ZMIZ1: variants seen among roughly 807,000 people sequenced by gnomAD.
The protein encoded by ZMIZ1 is zinc finger MIZ-type containing 1.
In ZMIZ1, 17 loss-of-function variants were observed where a neutral mutation model predicts 113.9. The observed-to-expected ratio is 0.15, with a 90% CI of 0.10 to 0.22. The LOEUF is 0.22. Among genes scored for constraint, ZMIZ1 ranks in the 10% least tolerant of loss-of-function variants. ZMIZ1 has a pLI of 1.00. For missense variants in ZMIZ1, 1,059 were observed against 1,477.8 expected (o/e 0.72, Z 4.65); for synonymous variants, 607 against 603.1 (o/e 1.01, Z -0.09).
intron 1 of ZMIZ1, among the ~76,000 whole-genome samples, chr10:79,074,159 A>G (rs1842392928): frequency 6.6e-6 from 1 of 152,256 alleles, no homozygotes; most frequent in Non-Finnish European, 1.5e-5. Context: ...CCCATTTAAC[A>G]GAGCAGAAAA....
At chr10:79,093,459 T>A (rs1221819964) in intron 1 of ZMIZ1, among the ~76,000 whole-genome samples, 4 of 152,138 alleles carry the variant, frequency 2.6e-5, no homozygotes, top group African/African-American at 9.6e-5. Flanking sequence ...CCCGAGTAAC[T>A]GGGATTACAG....
intron 7 of ZMIZ1, among the ~76,000 whole-genome samples, chr10:79,271,451 A>T (rs1851947480): frequency 6.6e-6 from 1 of 152,202 alleles, no homozygotes; most frequent in Non-Finnish European, 1.5e-5. Flanking sequence ...AAGGTGTCAC[A>T]CAGTAACAGA....
rs1307610293 is a variant in ZMIZ1 at position 79,181,100 on chromosome 10, C to G, written c.-50+18967C>G. 2.6e-5 allele frequency among the ~76,000 whole-genome samples: 4 copies of G among 152,360 alleles called. No individual in the cohort carries two copies. In the East Asian group the frequency reaches 7.7e-4, roughly 29 times the overall value. ...CAGGAGGCAGAGCTGTGGGTTCCCA[C>G]TGAGACGGACCAAGAGTCAGTGTGG... is the stretch of plus-strand genomic sequence containing the variant. On this transcript the variant is annotated intron_variant, in intron 4 of 24. Coordinates refer to ENST00000334512, the MANE Select transcript of ZMIZ1 (RefSeq NM_020338.4).
At chr10:79,150,018 G>A (rs753743249) in intron 3 of ZMIZ1, among the ~76,000 whole-genome samples, 5 of 152,232 alleles carry the variant, frequency 3.3e-5, no homozygotes, top group Non-Finnish European at 5.9e-5. Context: ...GAAAGCATTG[G>A]TGCTTCTGAG....
In ZMIZ1 at chr10:79,312,740, G is replaced by A; in HGVS notation, c.3195G>A (p.Glu1065=). 1.2e-6 allele frequency: 2 copies of A among 1,614,160 alleles called. No homozygotes were observed. Among genetic ancestry groups the A allele is most frequent in the Non-Finnish European group, 1.7e-6 (2 of 1,179,988 alleles). Residue 1065 remains glutamate (E), a synonymous_variant, in exon 25 of 25, where the codon GAG becomes GAA. Coordinates refer to ENST00000334512, the MANE Select transcript of ZMIZ1 (RefSeq NM_020338.4). ...ACGATGACCTCCTGTCTCTATTTGAGAACAACTGAGGGCCACCCGGTCGGG... is the reference window on the plus strand; with the variant it reads ...ACGATGACCTCCTGTCTCTATTTGAAAACAACTGAGGGCCACCCGGTCGGG... ...NSNDDLLSLF[E]NN
At chr10:79,242,997 G>A (rs1262431737) in intron 7 of ZMIZ1, among the ~76,000 whole-genome samples, 2 of 151,524 alleles carry the variant, frequency 1.3e-5, no homozygotes, top group Admixed American at 1.3e-4. Context: ...GCTGGGGGGC[G>A]GGGTGCGGAC....
At chr10:79,162,443 ACT>A (rs1846151355) in intron 4 of ZMIZ1, among the ~76,000 whole-genome samples, 2 of 152,220 alleles carry the variant, frequency 1.3e-5, no homozygotes, top group Non-Finnish European at 2.9e-5. Flanking sequence ...TGTCTGCACC[ACT>A]CTAAACCCTG....
chr10:79,302,160 G>A lies in ZMIZ1; in HGVS notation c.2073G>A (p.Leu691=), dbSNP rs746557590. The A allele has an allele frequency of 6.2e-7, 1 of 1,613,990 alleles. No individual in the cohort carries two copies. Among genetic ancestry groups the A allele is most frequent in the African/African-American group, 1.3e-5 (1 of 75,062 alleles). The part of the protein sequence containing the change: ...LVHRPSVRSV[L]QGLLKKRLLP... ...ACCGGCCCTCCGTCCGCTCTGTGCT[G>A]CAAGGACTCCTCAAGAAGCGCCTCC... Residue 691 remains leucine, a synonymous_variant, in exon 18 of 25, where the codon CTG becomes CTA. Coordinates refer to ENST00000334512, the MANE Select transcript of ZMIZ1 (RefSeq NM_020338.4).
chr10:79,073,496 G>A (rs1484517024), intron 1 of ZMIZ1, among the ~76,000 whole-genome samples: 1 of 152,180 alleles, frequency 6.6e-6, no homozygotes, highest in Non-Finnish European at 1.5e-5. Flanking sequence ...AGTTGTGAGT[G>A]TTAACATGTT....
At chr10:79,209,722 C>T (rs912610026) in intron 6 of ZMIZ1, among the ~76,000 whole-genome samples, 15 of 152,260 alleles carry the variant, frequency 9.9e-5, no homozygotes, top group African/African-American at 3.6e-4. Flanking sequence ...CCACAGAATA[C>T]ACCATCCCAC....
intron 7 of ZMIZ1, among the ~76,000 whole-genome samples, chr10:79,271,206 C>G (rs1851931393): frequency 6.6e-6 from 1 of 152,214 alleles, no homozygotes; most frequent in African/African-American, 2.4e-5. Context: ...CCTGCCCAGG[C>G]CCTTTGTCTC....
In ZMIZ1 at chr10:79,300,789, C is replaced by T; in HGVS notation, c.1866C>T (p.Thr622=). The T allele has an allele frequency of 6.2e-7, 1 of 1,614,000 alleles. No individual in the cohort carries two copies. The highest frequency in any genetic ancestry group is 8.5e-7 in the Non-Finnish European group (1 of 1,180,018). ...ACCACGAGGACCGGCAGATGAACAC[C>T]AACTGGCCCGCCTCGGTGCAGGTCA... The part of the protein sequence containing the change: ...CYHHEDRQMN[T]NWPASVQVSV... Residue 622 remains threonine (T), a synonymous_variant, in exon 17 of 25, where the codon ACC becomes ACT. Transcript: ENST00000334512.
At chr10:79,081,349 G>A (rs1455522347) in intron 1 of ZMIZ1, among the ~76,000 whole-genome samples, 1 of 152,194 alleles carries the variant, frequency 6.6e-6, no homozygotes, top group Non-Finnish European at 1.5e-5. Context: ...TCTGGTAAGA[G>A]TCTGGGCAGC....
At chr10:79,070,188 G>A (rs974273080) in intron 1 of ZMIZ1, among the ~76,000 whole-genome samples, 1 of 151,970 alleles carries the variant, frequency 6.6e-6, no homozygotes, top group African/African-American at 2.4e-5. Flanking sequence ...TCACATTCCT[G>A]GCGTCTGGGC....
intron 2 of ZMIZ1, among the ~76,000 whole-genome samples, chr10:79,137,707 T>A (rs946714): frequency 0.21 from 32,596 of 151,942 alleles, 8,116 homozygotes; most frequent in African/African-American, 0.61. Flanking sequence ...CTGGAAGGGC[T>A]AGGGGTGAGC....
intron 1 of ZMIZ1, among the ~76,000 whole-genome samples, chr10:79,093,984 G>A (rs943128423): frequency 1.3e-5 from 2 of 152,198 alleles, no homozygotes; most frequent in Non-Finnish European, 2.9e-5. Flanking sequence ...AGAGCTGAGT[G>A]TAAAGGCCGC....
intron 4 of ZMIZ1, among the ~76,000 whole-genome samples, chr10:79,167,600 G>A (rs1206168365): frequency 1.3e-5 from 2 of 152,124 alleles, no homozygotes; most frequent in Admixed American, 1.3e-4. Context: ...GAGGAAAGGC[G>A]ATGTGAGCAA....
chr10:79,261,479 G>A (rs1851267485), intron 7 of ZMIZ1, among the ~76,000 whole-genome samples: 1 of 152,224 alleles, frequency 6.6e-6, no homozygotes, highest in Non-Finnish European at 1.5e-5. Flanking sequence ...TCCCCCAGCT[G>A]CTCTGGAAGA....
At chr10:79,265,463 C>CTTT (rs869066608) in intron 7 of ZMIZ1, among the ~76,000 whole-genome samples, 21 of 131,726 alleles carry the variant, frequency 1.6e-4, no homozygotes, top group African/African-American at 6.0e-4. Context: ...CCTTTTTTTT[C>CTTT]TTTTCTTTTT....
Sources: gnomAD v4.1 joint callset for allele counts (sites outside exome capture counted in the v4.1 genomes callset) on GRCh38, gnomAD v4.1.1 for gene constraint, MANE v1.5 for transcripts, NCBI Gene and HGNC (gene_info 2026-07-23, HGNC 2026-07-21) for gene names.